The following KIRREL3 variants were observed in gnomAD, a reference collection of about 807,000 sequenced individuals.
KIRREL3 encodes the protein kirre like nephrin family adhesion molecule 3.
KIRREL3 carries 36 observed loss-of-function variants against 89.7 expected under a neutral mutation model. The observed-to-expected ratio is 0.40, with a 90% CI of 0.31 to 0.53. The LOEUF (loss-of-function observed/expected upper bound fraction) is 0.53, where lower values mean the gene tolerates loss of function less well. Ranked by LOEUF, KIRREL3 falls within the 20% of genes least tolerant of loss-of-function variation. The probability of loss-of-function intolerance (pLI) is 0.49; values close to 1 mark genes in which losing one functional copy is unlikely to be tolerated. For missense variants in KIRREL3, 864 were observed against 1,056.6 expected (o/e 0.82, Z 2.53); for synonymous variants, 445 against 441.4 (o/e 1.01, Z -0.10).
At chr11:126,972,985 G>A (rs1304355149) in intron 1 of KIRREL3, among the ~76,000 whole-genome samples, 8 of 151,190 alleles carry the variant, frequency 5.3e-5, no homozygotes, top group Non-Finnish European at 7.4e-5. Flanking sequence ...CAAGGAGGAC[G>A]CCAGCCAAAG....
At position 126,501,431 on chromosome 11, in the gene KIRREL3, G is replaced by T. The variant is rs988298559; in HGVS notation, c.433+19884C>A. ...AAGGAGGCTCCTCTGGGGAGCGAGG[G>T]TGCCCAGGTGGGGAAGGCAGAGCGC... On this transcript the variant is annotated intron_variant, in intron 4 of 16. Transcript: ENST00000525144. This position sits in a 1 kb window ranked among gnomAD's most constrained non-coding sequence, Gnocchi z 5.8. Among the ~76,000 whole-genome samples the T allele has an allele frequency of 1.3e-5, 2 of 152,198 alleles. No homozygotes were observed. The highest frequency in any genetic ancestry group is 2.4e-5 in the African/African-American group (1 of 41,446).
chr11:126,478,848 G>C (rs1957150789), intron 4 of KIRREL3, among the ~76,000 whole-genome samples: 1 of 152,142 alleles, frequency 6.6e-6, no homozygotes, highest in Non-Finnish European at 1.5e-5. Flanking sequence ...TAGTGGGAGG[G>C]AGGAGGGCAA....
At chr11:126,841,924 TAAGG>T (rs1943975570) in intron 1 of KIRREL3, among the ~76,000 whole-genome samples, 1 of 152,154 alleles carries the variant, frequency 6.6e-6, no homozygotes, top group Non-Finnish European at 1.5e-5. Flanking sequence ...GGGGTTGAAA[TAAGG>T]AAGCACAATA....
chr11:126,995,178 T>C lies in KIRREL3; in HGVS notation c.55+5277A>G. ...GGGATATGAAATCCAAGGGAACTGT[T>C]AGCCCCCCAGAGCAGCTGCTCCCAC... On this transcript the variant is annotated intron_variant, in intron 1 of 16. Coordinates refer to ENST00000525144, the MANE Select transcript of KIRREL3 (RefSeq NM_032531.4). This position sits in a 1 kb window ranked among gnomAD's most constrained non-coding sequence, Gnocchi z 6.5. The C allele has an allele frequency of 2.2e-6, 1 of 456,148 alleles. No homozygotes were observed. Among genetic ancestry groups the C allele is most frequent in the South Asian group, 1.5e-5 (1 of 64,552 alleles). The allele number at this position is 456,148 out of a possible 1,614,324, so 28.3% of individuals were successfully genotyped here.
intron 1 of KIRREL3, among the ~76,000 whole-genome samples, chr11:126,819,905 C>T (rs1670319331): frequency 6.6e-6 from 1 of 152,214 alleles, no homozygotes; most frequent in Non-Finnish European, 1.5e-5. Flanking sequence ...GTTGGACTTT[C>T]CACACTTGAT....
At chr11:126,665,699 T>C (rs2135034402) in intron 1 of KIRREL3, among the ~76,000 whole-genome samples, 1 of 152,326 alleles carries the variant, frequency 6.6e-6, no homozygotes, top group African/African-American at 2.4e-5. Flanking sequence ...GAAATACATT[T>C]CTGTTGTTCA....
chr11:126,815,688 C>T (rs1394432741), intron 1 of KIRREL3, among the ~76,000 whole-genome samples: 1 of 152,116 alleles, frequency 6.6e-6, no homozygotes, highest in East Asian at 1.9e-4. Context: ...CAGCCGCCAC[C>T]ACGCCCGGCT....
chr11:126,925,303 T>C (rs1235825712), intron 1 of KIRREL3, among the ~76,000 whole-genome samples: 1 of 152,144 alleles, frequency 6.6e-6, no homozygotes, highest in Non-Finnish European at 1.5e-5. Context: ...GGCACACGCA[T>C]GAGGCAGCCT....
At chr11:126,827,697 A>G (rs930407684) in intron 1 of KIRREL3, among the ~76,000 whole-genome samples, 3 of 152,218 alleles carry the variant, frequency 2.0e-5, no homozygotes, top group African/African-American at 7.2e-5. Flanking sequence ...AAAGTCGATA[A>G]CAATCATTTG....
rs572000257 is a variant in KIRREL3 at position 126,709,979 on chromosome 11, A to G, written c.56-147067T>C. On this transcript the variant is annotated intron_variant, in intron 1 of 16. Coordinates refer to ENST00000525144, the MANE Select transcript of KIRREL3 (RefSeq NM_032531.4). This position sits in a 1 kb window ranked among gnomAD's most constrained non-coding sequence, Gnocchi z 4.0. ...GAACATTCTGCATTCATTATCACTA[A>G]TCCTTACACATGCCCTGCCAGGAAG... 1.3e-5 allele frequency among the ~76,000 whole-genome samples: 2 copies of G among 152,244 alleles called. No homozygotes were observed. Among genetic ancestry groups the G allele is most frequent in the South Asian group, 2.1e-4 (1 of 4,820 alleles).
At chr11:126,880,666 AT>A in intron 1 of KIRREL3, among the ~76,000 whole-genome samples, 1 of 151,466 alleles carries the variant, frequency 6.6e-6, no homozygotes, top group Admixed American at 6.6e-5. Flanking sequence ...AGCTCAGCCA[AT>A]ATAATGCACT....
rs1304549189 is a variant in KIRREL3 at position 126,795,536 on chromosome 11, A to AT, written c.55+204918dup. 1.3e-5 allele frequency among the ~76,000 whole-genome samples: 2 copies of AT among 151,888 alleles called. No individual in the cohort carries two copies. Among genetic ancestry groups the AT allele is most frequent in the East Asian group, 1.9e-4 (1 of 5,164 alleles). ...AGGCGTGTGCCACCACACCTGGCTAATTTTTTTAAAATATATTTTTAGTAG... is the reference window on the plus strand; with the variant it reads ...AGGCGTGTGCCACCACACCTGGCTAATTTTTTTTAAAATATATTTTTAGTAG... On this transcript the variant is annotated intron_variant, in intron 1 of 16. Coordinates refer to ENST00000525144, the MANE Select transcript of KIRREL3 (RefSeq NM_032531.4). This position sits in a 1 kb window ranked among gnomAD's most constrained non-coding sequence, Gnocchi z 4.1.
chr11:126,545,926 G>T (rs1938781252), intron 2 of KIRREL3, among the ~76,000 whole-genome samples: 1 of 152,232 alleles, frequency 6.6e-6, no homozygotes, highest in Admixed American at 6.5e-5. Context: ...GCTTCATACA[G>T]TCCTGGGCTC....
rs1037374399 is a variant in KIRREL3, at chr11:126,443,120, C to CT, written c.1252+1858dup. Among the ~76,000 whole-genome samples, 1 of 152,224 alleles carries CT rather than the reference C, an allele frequency of 6.6e-6. No individual in the cohort carries two copies. Among genetic ancestry groups the CT allele is most frequent in the African/African-American group, 2.4e-5 (1 of 41,458 alleles). On this transcript the variant is annotated intron_variant, in intron 10 of 16. Transcript: ENST00000525144. The surrounding 1 kb of genome is among the most constrained non-coding windows in gnomAD (Gnocchi z 7.3). Reference sequence around the variant, plus strand: ...AAGTGACAGCAGATGTCAGCTCCTCCTTTATCCACCTGCTTTTCCCCAGAA... The same window carrying CT: ...AAGTGACAGCAGATGTCAGCTCCTCCTTTTATCCACCTGCTTTTCCCCAGAA...
intron 11 of KIRREL3, among the ~76,000 whole-genome samples, chr11:126,438,198 G>A (rs972712646): frequency 6.6e-5 from 10 of 152,204 alleles, no homozygotes; most frequent in African/African-American, 2.4e-4. Context: ...CCATGAACGC[G>A]TCTACCTGTG....
intron 1 of KIRREL3, among the ~76,000 whole-genome samples, chr11:126,718,244 C>A (rs1948043181): frequency 6.6e-6 from 1 of 152,166 alleles, no homozygotes; most frequent in South Asian, 2.1e-4. Flanking sequence ...GCCAGACACC[C>A]ACCTCTTCTG....
At chr11:126,998,164 A>G (rs1950226438) in intron 1 of KIRREL3, among the ~76,000 whole-genome samples, 1 of 152,240 alleles carries the variant, frequency 6.6e-6, no homozygotes, top group African/African-American at 2.4e-5. Flanking sequence ...TGAGCTAAGC[A>G]TATATGTGAG....
rs1314960311 is a variant in KIRREL3, at chr11:126,643,474, G to A, written c.56-80562C>T. 6.6e-6 allele frequency among the ~76,000 whole-genome samples: 1 copy of A among 152,140 alleles called. No homozygotes were observed. Among genetic ancestry groups the A allele is most frequent in the Non-Finnish European group, 1.5e-5 (1 of 68,028 alleles). Reference sequence around the variant, plus strand: ...AGAGGGAAAAAACATGAGTATTGAAGTGGAAAAGAGGAGGTCATGGTTCAG... The same window carrying A: ...AGAGGGAAAAAACATGAGTATTGAAATGGAAAAGAGGAGGTCATGGTTCAG... On this transcript the variant is annotated intron_variant, in intron 1 of 16. Transcript: ENST00000525144. The surrounding 1 kb of genome is among the most constrained non-coding windows in gnomAD (Gnocchi z 4.5).
Position 126,783,608 on chromosome 11 carries a change from G to T in KIRREL3, c.55+216847C>A, listed in dbSNP as rs1431667648. Among the ~76,000 whole-genome samples the T allele has an allele frequency of 1.3e-5, 2 of 152,250 alleles. No homozygotes were observed. The highest frequency in any genetic ancestry group is 2.1e-4 in the South Asian group (1 of 4,818). On this transcript the variant is annotated intron_variant, in intron 1 of 16. Coordinates refer to ENST00000525144, the MANE Select transcript of KIRREL3 (RefSeq NM_032531.4). The surrounding 1 kb of genome is among the most constrained non-coding windows in gnomAD (Gnocchi z 4.3). ...GCTTTAGCAACAAAATAGTGTTGGA[G>T]GATAATCCAAAGCAAGTCCATACTG...
Sources: gnomAD v4.1 joint callset for allele counts (sites outside exome capture counted in the v4.1 genomes callset) on GRCh38, gnomAD v4.1.1 for gene constraint, Gnocchi (gnomAD v3.1) non-coding constraint, MANE v1.5 for transcripts, NCBI Gene and HGNC (gene_info 2026-07-23, HGNC 2026-07-21) for gene names.